REDIC1: variants seen among roughly 807,000 people sequenced by gnomAD.
The protein encoded by REDIC1 is regulator of DNA class I crossover intermediates 1, also known as HEI10 Interacting Protein 1.
At chr12:39,799,096 T>TC in the REDIC1 span, among the ~76,000 whole-genome samples, 323 of 147,818 alleles carry the variant, frequency 2.2e-3, 2 homozygotes, top group African/African-American at 7.7e-3. Context: ...TTTTTTTTTT[T>TC]AGACTCAGAG....
the REDIC1 span, among the ~76,000 whole-genome samples, chr12:39,895,862 ATATG>A: frequency 2.8e-5 from 4 of 143,216 alleles, 2 homozygotes; most frequent in African/African-American, 5.2e-5. Flanking sequence ...ATATGCGTGT[ATATG>A]CACACACATA....
the REDIC1 span, among the ~76,000 whole-genome samples, chr12:39,825,291 G>A: frequency 5.3e-5 from 8 of 151,922 alleles, no homozygotes; most frequent in African/African-American, 9.7e-5. Flanking sequence ...GTAGGGAGGC[G>A]GATAAATAGA....
At chr12:39,774,770 T>A in the REDIC1 span, among the ~76,000 whole-genome samples, 1 of 152,192 alleles carries the variant, frequency 6.6e-6, no homozygotes, top group Non-Finnish European at 1.5e-5. Context: ...AGCCACTTTT[T>A]TCCTGAATAA....
At chr12:39,839,551 G>C in the REDIC1 span, among the ~76,000 whole-genome samples, 11 of 147,902 alleles carry the variant, frequency 7.4e-5, 1 homozygote, top group Admixed American at 7.3e-4. Context: ...ATCATTTGGT[G>C]ATAAGATTTT....
At chr12:39,719,307 T>G in the REDIC1 span, among the ~76,000 whole-genome samples, 1 of 152,156 alleles carries the variant, frequency 6.6e-6, no homozygotes, top group Non-Finnish European at 1.5e-5. Context: ...AAACACATTA[T>G]AATAAGTATT....
At chr12:39,731,809 C>A in the REDIC1 span, among the ~76,000 whole-genome samples, 1 of 149,884 alleles carries the variant, frequency 6.7e-6, no homozygotes, top group Non-Finnish European at 1.5e-5. Flanking sequence ...TCTGTATGCC[C>A]CTGACTGTTT....
the REDIC1 span, among the ~76,000 whole-genome samples, chr12:39,640,133 T>A: frequency 1.3e-5 from 2 of 151,596 alleles, no homozygotes. Flanking sequence ...GTTAACATCC[T>A]GACTCCCAAG....
chr12:39,828,693 C>A, the REDIC1 span, among the ~76,000 whole-genome samples: 7 of 143,748 alleles, frequency 4.9e-5, no homozygotes, highest in African/African-American at 7.9e-5. Flanking sequence ...GTTTATAATT[C>A]TAGACTAGTA....
At chr12:39,809,832 T>C in the REDIC1 span, among the ~76,000 whole-genome samples, 1 of 152,240 alleles carries the variant, frequency 6.6e-6, no homozygotes, top group Non-Finnish European at 1.5e-5. Context: ...ACAAAGGACA[T>C]GAACTCATCC....
the REDIC1 span, among the ~76,000 whole-genome samples, chr12:39,815,022 C>A: frequency 6.6e-6 from 1 of 151,420 alleles, no homozygotes; most frequent in Admixed American, 6.6e-5. Context: ...AGATGGTAAG[C>A]AAGATCTAGT....
the REDIC1 span, among the ~76,000 whole-genome samples, chr12:39,703,083 G>T: frequency 6.6e-6 from 1 of 152,162 alleles, no homozygotes; most frequent in Admixed American, 6.6e-5. Flanking sequence ...GTTCTGGCCA[G>T]GGCAATTAGG....
At chr12:39,901,819 T>A in the REDIC1 span, among the ~76,000 whole-genome samples, 2,029 of 144,888 alleles carry the variant, frequency 0.014, 49 homozygotes, top group African/African-American at 0.047. Context: ...AAATACCATT[T>A]GACCCAGCCA....
chr12:39,820,735 AT>A, the REDIC1 span, among the ~76,000 whole-genome samples: 4 of 4,944 alleles, frequency 8.1e-4, no homozygotes, highest in African/African-American at 1.8e-3. Context: ...ATATATATAT[AT>A]ATATATATAT....
the REDIC1 span, among the ~76,000 whole-genome samples, chr12:39,894,514 T>A: frequency 6.6e-6 from 1 of 152,190 alleles, no homozygotes; most frequent in Non-Finnish European, 1.5e-5. Flanking sequence ...TCTGAAATAA[T>A]TTGTCCTCCT....
At chr12:39,688,287 A>C in the REDIC1 span, among the ~76,000 whole-genome samples, 1 of 152,248 alleles carries the variant, frequency 6.6e-6, no homozygotes, top group African/African-American at 2.4e-5. Flanking sequence ...TTAGTAACAG[A>C]TACTTCTAAG....
chr12:39,635,985 G>A, the REDIC1 span, among the ~76,000 whole-genome samples: 1 of 152,090 alleles, frequency 6.6e-6, no homozygotes, highest in African/African-American at 2.4e-5. Flanking sequence ...ATGAAAATAT[G>A]TTAAATGTTT....
chr12:39,719,887 C>T, the REDIC1 span, among the ~76,000 whole-genome samples: 14 of 151,964 alleles, frequency 9.2e-5, no homozygotes, highest in Middle Eastern at 3.2e-3. Context: ...TCTCTGTGTT[C>T]GGACCATTTT....
the REDIC1 span, among the ~76,000 whole-genome samples, chr12:39,702,974 A>G: frequency 2.0e-5 from 3 of 152,224 alleles, no homozygotes; most frequent in African/African-American, 7.2e-5. Context: ...CACAGCCAGT[A>G]TCATACTGAA....
At chr12:39,872,071 G>A in the REDIC1 span, 1 of 815,960 alleles carries the variant, frequency 1.2e-6, no homozygotes, top group East Asian at 3.2e-5. Flanking sequence ...GAGAACTACA[G>A]TAATAACATC....
Sources: gnomAD v4.1 joint callset for allele counts (sites outside exome capture counted in the v4.1 genomes callset) on GRCh38, gnomAD v4.1.1 for gene constraint, MANE v1.5 for transcripts, NCBI Gene and HGNC (gene_info 2026-07-23, HGNC 2026-07-21) for gene names.